Variants in VAPA observed in about 807,000 individuals in gnomAD.
The protein encoded by VAPA is vesicle-associated membrane protein-associated protein A.
Under a neutral mutation model 25.6 loss-of-function variants are expected in VAPA, and 6 were observed. That is an observed-to-expected ratio of 0.23 (90% CI 0.13 to 0.46). The LOEUF (loss-of-function observed/expected upper bound fraction) is 0.46. Among genes scored for constraint, VAPA ranks in the 20% least tolerant of loss-of-function variants. The probability of loss-of-function intolerance (pLI) is 0.99; values close to 1 mark genes in which losing one functional copy is unlikely to be tolerated. For synonymous variants in VAPA, 112 were observed against 106.2 expected (o/e 1.05, Z -0.34); for missense variants, 244 against 302.1 (o/e 0.81, Z 1.43).
At chr18:9,931,999 T>A (rs2069260290) in intron 2 of VAPA, 37 bp downstream of exon 2, 2 of 1,443,830 alleles carry the variant, frequency 1.4e-6, no homozygotes, top group East Asian at 4.8e-5. Context: ...TACATTTGAA[T>A]TTTGACCTTT....
chr18:9,957,056 G>C lies in VAPA; in HGVS notation c.*2845G>C, dbSNP rs1216954633. ...ATTCTTTCTTTTTTTTTTTGAGACA[G>C]AGTCTTGCTTTGTTGCCCAGGCTGG... On this transcript the variant is annotated 3_prime_UTR_variant, in exon 6 of 6. Transcript: ENST00000400000. 1.3e-5 allele frequency: 2 copies of C among 151,208 alleles called. No individual in the cohort carries two copies. The highest frequency in any genetic ancestry group is 2.9e-5 in the Non-Finnish European group (2 of 67,868). The allele number at this position is 151,208 out of a possible 1,614,324, so 9.4% of individuals were successfully genotyped here. A position where few individuals can be genotyped will look rare whatever the true frequency, so the allele number is the denominator to read the frequency against.
chr18:9,945,935 C>G (rs2069418530), intron 4 of VAPA, among the ~76,000 whole-genome samples: 3 of 152,138 alleles, frequency 2.0e-5, no homozygotes, highest in Non-Finnish European at 4.4e-5. Context: ...TGACAGTACT[C>G]TTGACTTTAG....
chr18:9,952,779 C>T (rs1265414483), intron 5 of VAPA, among the ~76,000 whole-genome samples: 1 of 152,104 alleles, frequency 6.6e-6, no homozygotes, highest in Non-Finnish European at 1.5e-5. Context: ...AGGCTTGCCC[C>T]AGACCTAATG....
At chr18:9,942,791 G>T (rs1391992374) in intron 4 of VAPA, among the ~76,000 whole-genome samples, 2 of 152,084 alleles carry the variant, frequency 1.3e-5, no homozygotes, top group East Asian at 3.8e-4. Context: ...CTCTTATCAT[G>T]GGAACAGTGT....
At chr18:9,928,834 G>A (rs758666805) in intron 1 of VAPA, among the ~76,000 whole-genome samples, 23 of 152,194 alleles carry the variant, frequency 1.5e-4, no homozygotes, top group Non-Finnish European at 2.8e-4. Context: ...TGTAGGTACA[G>A]TAGTCAGATG....
At chr18:9,924,153 T>G (rs1293821265) in intron 1 of VAPA, 1 of 152,100 alleles carries the variant, frequency 6.6e-6, no homozygotes, top group African/African-American at 2.4e-5. Flanking sequence ...TCATGTTATA[T>G]TTTCCCCTAG....
chr18:9,916,449 A>G (rs934240318), intron 1 of VAPA, among the ~76,000 whole-genome samples: 6 of 152,134 alleles, frequency 3.9e-5, no homozygotes, highest in African/African-American at 1.4e-4. Flanking sequence ...CTTGTTTTTC[A>G]TTTCAGGGGA....
At chr18:9,933,627 T>C (rs1407078147) in intron 2 of VAPA, among the ~76,000 whole-genome samples, 1 of 152,190 alleles carries the variant, frequency 6.6e-6, no homozygotes, top group East Asian at 1.9e-4. Flanking sequence ...AACTTCCGCC[T>C]CCTGGATTCA....
At chr18:9,938,081 C>T (rs539305637) in intron 4 of VAPA, among the ~76,000 whole-genome samples, 1 of 152,248 alleles carries the variant, frequency 6.6e-6, no homozygotes, top group Non-Finnish European at 1.5e-5. Flanking sequence ...CCTGTGTATG[C>T]TTCCCATTTG....
At chr18:9,949,335 T>C (rs1189651818) in intron 4 of VAPA, 1 of 152,204 alleles carries the variant, frequency 6.6e-6, no homozygotes. Flanking sequence ...AACCTCATTA[T>C]AAATTTTCAT....
chr18:9,958,885 G>A lies in VAPA; in HGVS notation c.*4674G>A, dbSNP rs2069578308. ...GGCGATTTGAGAAATGTGGGCTTCAGTATTAATTGCCATTTTGCTGACACC... is the reference window on the plus strand; with the variant it reads ...GGCGATTTGAGAAATGTGGGCTTCAATATTAATTGCCATTTTGCTGACACC... On this transcript the variant is annotated 3_prime_UTR_variant, in exon 6 of 6. Coordinates refer to ENST00000400000, the MANE Select transcript of VAPA (RefSeq NM_194434.3). 1 of 151,950 alleles carries A rather than the reference G, an allele frequency of 6.6e-6. No individual in the cohort carries two copies. The highest frequency in any genetic ancestry group is 2.4e-5 in the African/African-American group (1 of 41,218). 9.4% of individuals were successfully genotyped at this position (151,950 alleles called of 1,614,324 possible). A position where few individuals can be genotyped will look rare whatever the true frequency, so the allele number is the denominator to read the frequency against.
intron 3 of VAPA, 141 bp from the exon 4 acceptor site, chr18:9,936,845 C>G: frequency 1.6e-6 from 1 of 608,094 alleles, no homozygotes; most frequent in Non-Finnish European, 2.9e-6. Flanking sequence ...ATAACAATGG[C>G]AGGGTGATCA....
chr18:9,934,572 A>G (rs1391049460), intron 2 of VAPA, among the ~76,000 whole-genome samples: 1 of 152,214 alleles, frequency 6.6e-6, no homozygotes, highest in African/African-American at 2.4e-5. Flanking sequence ...TATGAATAAG[A>G]CTTTATTACA....
chr18:9,946,453 A>T (rs1405755466), intron 4 of VAPA, among the ~76,000 whole-genome samples: 3 of 149,076 alleles, frequency 2.0e-5, no homozygotes, highest in Non-Finnish European at 4.5e-5. Flanking sequence ...TTCTTAAAAC[A>T]CTATGAGTTT....
chr18:9,941,912 G>C (rs2069369723), intron 4 of VAPA, among the ~76,000 whole-genome samples: 1 of 152,182 alleles, frequency 6.6e-6, no homozygotes, highest in Non-Finnish European at 1.5e-5. Flanking sequence ...TTTTTTAAAA[G>C]TATAGAGTAG....
chr18:9,922,989 C>T (rs964819463), intron 1 of VAPA, among the ~76,000 whole-genome samples: 1 of 152,140 alleles, frequency 6.6e-6, no homozygotes, highest in Non-Finnish European at 1.5e-5. Context: ...ATTCTGTAAT[C>T]TGTTATACAT....
chr18:9,940,873 C>G (rs759415183), intron 4 of VAPA, among the ~76,000 whole-genome samples: 1 of 152,044 alleles, frequency 6.6e-6, no homozygotes, highest in South Asian at 2.1e-4. Flanking sequence ...TTCAAACTTG[C>G]AAAAATTGTG....
At chr18:9,927,982 A>G (rs2069216170) in intron 1 of VAPA, among the ~76,000 whole-genome samples, 1 of 152,130 alleles carries the variant, frequency 6.6e-6, no homozygotes, top group African/African-American at 2.4e-5. Flanking sequence ...AAGAGTGCAA[A>G]TAAATGTAAC....
Position 9,954,127 on chromosome 18 carries a change from T to C in VAPA, c.666T>C (p.Asp222=). Residue 222 remains aspartate (D), a synonymous_variant, in exon 6 of 6, where the codon GAT becomes GAC. Transcript: ENST00000400000. ...CAACCTCAACTGCATCCTTCAGAGA[T>C]AATGTCACCAGTCCTCTTCCTTCAC... ...PGSTSTASFR[D]NVTSPLPSLL... 1 of 1,614,160 alleles carries C rather than the reference T, an allele frequency of 6.2e-7. No homozygotes were observed.
Sources: allele counts gnomAD v4.1 joint callset (sites outside exome capture counted in the v4.1 genomes callset), GRCh38; gene constraint gnomAD v4.1.1; transcripts MANE v1.5; gene names NCBI Gene and HGNC (gene_info 2026-07-23, HGNC 2026-07-21).